Variants in FAF1 observed in about 807,000 individuals in gnomAD.
FAF1 encodes Fas associated factor 1.
FAF1 carries 25 observed loss-of-function variants against 92.5 expected under a neutral mutation model. That is an observed-to-expected ratio of 0.27 (90% confidence interval 0.20 to 0.38). The LOEUF is 0.38. Ranked by LOEUF, FAF1 falls within the 10% of genes least tolerant of loss-of-function variation. FAF1 has a pLI of 1.00. For synonymous variants in FAF1, 234 were observed against 273.2 expected (o/e 0.86, Z 1.42); for missense variants, 636 against 793.3 (o/e 0.80, Z 2.38).
intron 1 of FAF1, among the ~76,000 whole-genome samples, chr1:50,925,992 G>A (rs1020167384): frequency 6.6e-6 from 1 of 152,158 alleles, no homozygotes; most frequent in Non-Finnish European, 1.5e-5. Context: ...GAGGCAGGAG[G>A]GTCGCTTAAG....
At position 50,643,674 on chromosome 1, in the gene FAF1, C is replaced by G. The variant is rs186484104; in HGVS notation, c.744+11768G>C. 6.1e-4 allele frequency among the ~76,000 whole-genome samples: 93 copies of G among 152,326 alleles called. No homozygotes were observed. In the Middle Eastern group the frequency reaches 0.017, roughly 28 times the overall value. On this transcript the variant is annotated intron_variant, in intron 8 of 18. Transcript: ENST00000396153. ...GTGGCACGATCTCAGCTCACAGCAA[C>G]CTCCGCCTCCCAGATTCAAGCAATT...
chr1:50,452,251 A>C, intron 18 of FAF1: 5 of 874,094 alleles, frequency 5.7e-6, no homozygotes, highest in Non-Finnish European at 8.2e-6. Context: ...AACAATTTGC[A>C]AGCTCATTGC....
intron 2 of FAF1, among the ~76,000 whole-genome samples, chr1:50,826,480 G>T (rs1644099030): frequency 6.6e-6 from 1 of 151,854 alleles, no homozygotes; most frequent in East Asian, 1.9e-4. Context: ...CACCTGGGAG[G>T]CAGAGATTGC....
intron 8 of FAF1, among the ~76,000 whole-genome samples, chr1:50,635,750 C>T (rs1223261052): frequency 6.6e-6 from 1 of 152,170 alleles, no homozygotes; most frequent in Non-Finnish European, 1.5e-5. Flanking sequence ...CTCATCTGGC[C>T]TTACTGACTC....
intron 15 of FAF1, among the ~76,000 whole-genome samples, chr1:50,499,176 A>G (rs551055019): frequency 6.6e-6 from 1 of 152,294 alleles, no homozygotes; most frequent in East Asian, 1.9e-4. Context: ...TCCTAGAGAC[A>G]GAAAGTAGAT....
At chr1:50,612,469 G>A in intron 8 of FAF1, 1 of 1,083,682 alleles carries the variant, frequency 9.2e-7, no homozygotes, top group Non-Finnish European at 1.1e-6. Flanking sequence ...CTTCAAATAT[G>A]CAAGGATACA....
At chr1:50,741,112 T>C (rs1659368806) in intron 5 of FAF1, among the ~76,000 whole-genome samples, 2 of 152,266 alleles carry the variant, frequency 1.3e-5, no homozygotes, top group Non-Finnish European at 2.9e-5. Context: ...GAAACAGATA[T>C]GGTCCCTCTA....
At chr1:50,754,424 C>CATTTTATTATATTT (rs1659994406) in intron 4 of FAF1, among the ~76,000 whole-genome samples, 1 of 152,208 alleles carries the variant, frequency 6.6e-6, no homozygotes, top group Non-Finnish European at 1.5e-5. Flanking sequence ...GTTTTCCAAT[C>CATTTTATTATATTT]TAGCTGGTAG....
chr1:50,834,860 C>T (rs1342377974), intron 2 of FAF1, among the ~76,000 whole-genome samples: 1 of 152,080 alleles, frequency 6.6e-6, no homozygotes, highest in Non-Finnish European at 1.5e-5. Context: ...TAATGTAGTT[C>T]TATAACAGAT....
chr1:50,653,051 C>G (rs1044842029), intron 8 of FAF1, among the ~76,000 whole-genome samples: 5 of 152,102 alleles, frequency 3.3e-5, no homozygotes, highest in African/African-American at 1.2e-4. Flanking sequence ...GAGAACATTT[C>G]TGTTTTCTTC....
rs1354107551 is a variant in FAF1 at position 50,437,611 on chromosome 1, AGGGCTGGTCTTGAACTTCT to A, written c.*3810_*3828del. On this transcript the variant is annotated 3_prime_UTR_variant, in exon 19 of 19. Transcript: ENST00000396153. ...AGAGACAGGGTCTTGGTATGTGGTC[AGGGCTGGTCTTGAACTTCT>A]GGCCTCAAGCAATCCTCCTGCCTTT... 6.6e-6 allele frequency: 1 copy of A among 152,060 alleles called. No homozygotes were observed. The highest frequency in any genetic ancestry group is 2.4e-5 in the African/African-American group (1 of 41,384). The allele number at this position is 152,060 out of a possible 1,614,324, so 9.4% of individuals were successfully genotyped here.
chr1:50,724,306 C>CACACATACAT (rs764857214), intron 6 of FAF1, among the ~76,000 whole-genome samples: 4 of 145,314 alleles, frequency 2.8e-5, no homozygotes, highest in South Asian at 4.4e-4. Context: ...TACACACACA[C>CACACATACAT]ACACACACAC....
chr1:50,474,258 A>G (rs1389748533), intron 18 of FAF1, among the ~76,000 whole-genome samples: 1 of 152,136 alleles, frequency 6.6e-6, no homozygotes, highest in Non-Finnish European at 1.5e-5. Context: ...CACATCTCTC[A>G]TGGTCCTTCC....
chr1:50,719,052 T>G (rs1658303555), intron 6 of FAF1, among the ~76,000 whole-genome samples: 1 of 152,220 alleles, frequency 6.6e-6, no homozygotes, highest in Admixed American at 6.5e-5. Flanking sequence ...CAAATAGCAA[T>G]CAGTTTGAAA....
At chr1:50,592,212 T>C (rs1243593701) in intron 9 of FAF1, among the ~76,000 whole-genome samples, 1 of 150,566 alleles carries the variant, frequency 6.6e-6, no homozygotes, top group Admixed American at 6.6e-5. Context: ...ATAGTGAGCA[T>C]TCAATAAATG....
At chr1:50,937,206 G>A (rs1330092175) in intron 1 of FAF1, among the ~76,000 whole-genome samples, 1 of 152,042 alleles carries the variant, frequency 6.6e-6, no homozygotes, top group Admixed American at 6.6e-5. Context: ...AATACAATGT[G>A]CACAACTAGG....
At chr1:50,623,575 GA>G (rs1225232060) in intron 8 of FAF1, among the ~76,000 whole-genome samples, 191 of 131,408 alleles carry the variant, frequency 1.5e-3, no homozygotes, top group Admixed American at 1.4e-3. Flanking sequence ...ACTCTGTCTT[GA>G]AAAAAAAAAA....
chr1:50,477,780 T>C (rs1191867334), intron 17 of FAF1, among the ~76,000 whole-genome samples: 1 of 152,250 alleles, frequency 6.6e-6, no homozygotes, highest in Non-Finnish European at 1.5e-5. Context: ...CATGGGAGCA[T>C]GTATTACTTC....
intron 1 of FAF1, among the ~76,000 whole-genome samples, chr1:50,867,921 C>G (rs1229426885): frequency 6.6e-6 from 1 of 152,064 alleles, no homozygotes; most frequent in African/African-American, 2.4e-5. Context: ...AAATATGGAA[C>G]CAGCCTAACT....
Sources: allele counts gnomAD v4.1 joint callset (sites outside exome capture counted in the v4.1 genomes callset), GRCh38; gene constraint gnomAD v4.1.1; transcripts MANE v1.5; gene names NCBI Gene and HGNC (gene_info 2026-07-23, HGNC 2026-07-21).